The following ENTREP2 variants were observed in gnomAD, a reference collection of about 807,000 sequenced individuals.
ENTREP2 encodes the protein protein ENTREP2.
At chr15:29,593,561 C>A in the ENTREP2 span, among the ~76,000 whole-genome samples, 1 of 152,210 alleles carries the variant, frequency 6.6e-6, no homozygotes, top group African/African-American at 2.4e-5. Flanking sequence ...ACAAACAGCC[C>A]ATGCCCTGTC....
At chr15:29,154,830 C>T in the ENTREP2 span, among the ~76,000 whole-genome samples, 1 of 152,230 alleles carries the variant, frequency 6.6e-6, no homozygotes, top group African/African-American at 2.4e-5. Context: ...TCAGAAGCTG[C>T]TCATCAGTTC....
the ENTREP2 span, among the ~76,000 whole-genome samples, chr15:29,194,041 A>G: frequency 3.3e-5 from 5 of 152,256 alleles, no homozygotes; most frequent in African/African-American, 1.2e-4. Context: ...AAGTCTCTTC[A>G]AAGTGACATG....
chr15:29,533,988 C>T, the ENTREP2 span, among the ~76,000 whole-genome samples: 51,849 of 151,336 alleles, frequency 0.34, 9,052 homozygotes, highest in East Asian at 0.42. Flanking sequence ...CGTATGGAGA[C>T]GCATTAGGTG....
chr15:29,233,962 C>G, the ENTREP2 span: 1 of 1,527,132 alleles, frequency 6.5e-7, no homozygotes, highest in Non-Finnish European at 9.1e-7. Context: ...CACTCACTTC[C>G]AAATCAGGAC....
the ENTREP2 span, among the ~76,000 whole-genome samples, chr15:29,368,002 C>CA: frequency 0.36 from 35,070 of 98,756 alleles, 5,356 homozygotes; most frequent in East Asian, 0.48. Context: ...CATATTCAGG[C>CA]AAAAAAAAAA....
chr15:29,550,011 A>T, the ENTREP2 span, among the ~76,000 whole-genome samples: 1 of 152,240 alleles, frequency 6.6e-6, no homozygotes, highest in Non-Finnish European at 1.5e-5. Flanking sequence ...CAACAAGGAC[A>T]GCAGAGACCA....
At chr15:29,557,981 G>A in the ENTREP2 span, among the ~76,000 whole-genome samples, 1 of 152,180 alleles carries the variant, frequency 6.6e-6, no homozygotes, top group African/African-American at 2.4e-5. Flanking sequence ...GTGCAATATG[G>A]TTTGGAAACA....
At chr15:29,354,212 T>TCTC in the ENTREP2 span, among the ~76,000 whole-genome samples, 2 of 152,122 alleles carry the variant, frequency 1.3e-5, no homozygotes, top group Non-Finnish European at 2.9e-5. Flanking sequence ...AGCTTCTGCT[T>TCTC]CTCCCACCTT....
chr15:29,365,905 C>T, the ENTREP2 span, among the ~76,000 whole-genome samples: 4 of 152,084 alleles, frequency 2.6e-5, 1 homozygote, highest in African/African-American at 7.2e-5. Flanking sequence ...AGCAACCCCC[C>T]GAATCAAGGT....
chr15:29,268,937 C>A, the ENTREP2 span: 1 of 1,614,158 alleles, frequency 6.2e-7, no homozygotes, highest in Non-Finnish European at 8.5e-7. Context: ...TTGCTGGTTT[C>A]CAGGTTGGTT....
the ENTREP2 span, among the ~76,000 whole-genome samples, chr15:29,593,594 C>G: frequency 1.3e-5 from 2 of 152,258 alleles, no homozygotes; most frequent in African/African-American, 2.4e-5. Context: ...CTTGCTCACT[C>G]AGCAATGTTC....
the ENTREP2 span, among the ~76,000 whole-genome samples, chr15:29,562,336 G>C: frequency 2.0e-5 from 3 of 152,218 alleles, no homozygotes; most frequent in East Asian, 3.8e-4. Flanking sequence ...AGAGGTTTAT[G>C]ATGAGTACAT....
chr15:29,375,612 T>C, the ENTREP2 span: 1 of 152,150 alleles, frequency 6.6e-6, no homozygotes, highest in African/African-American at 2.4e-5. Flanking sequence ...TCTCTACAGT[T>C]ATGAGAAATA....
chr15:29,525,169 G>C, the ENTREP2 span, among the ~76,000 whole-genome samples: 1 of 152,184 alleles, frequency 6.6e-6, no homozygotes, highest in African/African-American at 2.4e-5. Flanking sequence ...AATGTAAAAT[G>C]AAGACACTTT....
At chr15:29,598,758 G>A in the ENTREP2 span, among the ~76,000 whole-genome samples, 4 of 151,960 alleles carry the variant, frequency 2.6e-5, no homozygotes, top group South Asian at 2.1e-4. Context: ...GTGCAGTGGC[G>A]TGATCTTGGC....
At chr15:29,382,669 T>A in the ENTREP2 span, among the ~76,000 whole-genome samples, 1 of 152,090 alleles carries the variant, frequency 6.6e-6, no homozygotes, top group Non-Finnish European at 1.5e-5. Flanking sequence ...GTGACTTCTG[T>A]CCCTTAGAAG....
chr15:29,130,662 C>T, the ENTREP2 span, among the ~76,000 whole-genome samples: 3 of 152,184 alleles, frequency 2.0e-5, no homozygotes, highest in East Asian at 1.9e-4. Flanking sequence ...TTCTGGCTCC[C>T]GGTCAGATTT....
At chr15:29,663,221 T>C in the ENTREP2 span, among the ~76,000 whole-genome samples, 2 of 152,010 alleles carry the variant, frequency 1.3e-5, no homozygotes. Context: ...TTTTTAGTAA[T>C]AAATAGCATG....
At chr15:29,529,005 CT>C in the ENTREP2 span, among the ~76,000 whole-genome samples, 2 of 151,580 alleles carry the variant, frequency 1.3e-5, no homozygotes, top group South Asian at 4.2e-4. Context: ...GTACTTGAAA[CT>C]TCCAATTATA....
Sources: allele counts gnomAD v4.1 joint callset (sites outside exome capture counted in the v4.1 genomes callset), GRCh38; gene constraint gnomAD v4.1.1; transcripts MANE v1.5; gene names NCBI Gene and HGNC (gene_info 2026-07-23, HGNC 2026-07-21).